NEO1: variants seen among roughly 807,000 people sequenced by gnomAD.
NEO1 encodes neogenin 1, also known as neogenin.
A neutral mutation model predicts 159.7 loss-of-function variants in NEO1; 63 were observed. The ratio of observed to expected loss-of-function variants is 0.39; its 90% CI spans 0.32 to 0.49. NEO1 has a LOEUF of 0.49. NEO1 is among the 20% of genes least tolerant of loss of function. The pLI is 0.85. For missense variants in NEO1, 1,615 were observed against 1,831.0 expected (o/e 0.88, Z 2.15); for synonymous variants, 633 against 662.0 (o/e 0.96, Z 0.67).
intron 15 of NEO1, among the ~76,000 whole-genome samples, chr15:73,262,853 T>C (rs2040687323): frequency 6.6e-6 from 1 of 152,232 alleles, no homozygotes; most frequent in African/African-American, 2.4e-5. Context: ...AATCGTGATA[T>C]ATCCATGGAG....
chr15:73,081,663 C>T (rs1303488903), intron 1 of NEO1, among the ~76,000 whole-genome samples: 2 of 151,842 alleles, frequency 1.3e-5, no homozygotes, highest in African/African-American at 4.8e-5. Context: ...GTAGCCTCGA[C>T]CTCCTGGACT....
intron 3 of NEO1, among the ~76,000 whole-genome samples, chr15:73,123,360 G>A (rs377076582): frequency 2.0e-5 from 3 of 152,218 alleles, no homozygotes; most frequent in African/African-American, 4.8e-5. Context: ...TATTAGTGCT[G>A]TGTCTTTTGT....
chr15:73,220,894 G>A (rs1188512941), intron 7 of NEO1, among the ~76,000 whole-genome samples: 1 of 152,106 alleles, frequency 6.6e-6, no homozygotes, highest in Non-Finnish European at 1.5e-5. Context: ...GCTTGGAGTA[G>A]TTTGATCGTC....
Position 73,196,296 on chromosome 15 carries a change from G to T in NEO1, c.1291+17869G>T, listed in dbSNP as rs560615130. ...CACGCAAGAATGGGAGGAGTATTTT[G>T]TGTTCATTTTATTTTATAACTTCCT... On this transcript the variant is annotated intron_variant, in intron 7 of 28. Transcript: ENST00000261908. 3.3e-5 allele frequency among the ~76,000 whole-genome samples: 5 copies of T among 152,288 alleles called. No individual in the cohort carries two copies. In the South Asian group the frequency reaches 1.0e-3, roughly 32 times the overall value.
At chr15:73,063,663 C>T (rs185192921) in intron 1 of NEO1, among the ~76,000 whole-genome samples, 3 of 151,456 alleles carry the variant, frequency 2.0e-5, no homozygotes, top group Non-Finnish European at 2.9e-5. Flanking sequence ...GTTTTTTGGC[C>T]AGGAGGGTAA....
intron 25 of NEO1, among the ~76,000 whole-genome samples, chr15:73,293,095 ATAT>A (rs2042218201): frequency 6.6e-6 from 1 of 152,264 alleles, no homozygotes; most frequent in African/African-American, 2.4e-5. Flanking sequence ...CAAAAGAAAA[ATAT>A]TATTTTAATC....
At chr15:73,211,595 T>C (rs532894201) in intron 7 of NEO1, among the ~76,000 whole-genome samples, 19 of 152,178 alleles carry the variant, frequency 1.2e-4, no homozygotes, top group Non-Finnish European at 2.2e-4. Context: ...CATGCGTGTA[T>C]TCCCAGCTAC....
At chr15:73,263,968 T>C (rs1232818117) in intron 15 of NEO1, among the ~76,000 whole-genome samples, 1 of 152,136 alleles carries the variant, frequency 6.6e-6, no homozygotes, top group African/African-American at 2.4e-5. Flanking sequence ...GGAGGATCGC[T>C]TGAGCCCAGA....
intron 7 of NEO1, among the ~76,000 whole-genome samples, chr15:73,233,054 G>T (rs1354109248): frequency 6.6e-6 from 1 of 152,158 alleles, no homozygotes; most frequent in Admixed American, 6.5e-5. Context: ...GGATTTGTCA[G>T]TCTCAAACCA....
chr15:73,091,815 A>G (rs541981191), intron 1 of NEO1, among the ~76,000 whole-genome samples: 6 of 150,364 alleles, frequency 4.0e-5, no homozygotes, highest in African/African-American at 1.2e-4. Flanking sequence ...CTTTCCCAGT[A>G]GAGGTCTCGC....
At chr15:73,155,048 G>A (rs1386190880) in intron 5 of NEO1, among the ~76,000 whole-genome samples, 2 of 151,528 alleles carry the variant, frequency 1.3e-5, no homozygotes, top group African/African-American at 2.4e-5. Flanking sequence ...TGTCATGGTG[G>A]TGAATGTCAA....
At chr15:73,073,810 C>T (rs1332897311) in intron 1 of NEO1, among the ~76,000 whole-genome samples, 1 of 152,108 alleles carries the variant, frequency 6.6e-6, no homozygotes, top group Non-Finnish European at 1.5e-5. Flanking sequence ...ATGTACCATA[C>T]TAGGAGATTT....
chr15:73,141,687 C>T (rs78772875), intron 5 of NEO1, among the ~76,000 whole-genome samples: 464 of 152,318 alleles, frequency 3.0e-3, no homozygotes, highest in African/African-American at 0.01. Context: ...CAGCCTATGT[C>T]ACTCTACTTC....
intron 4 of NEO1, among the ~76,000 whole-genome samples, chr15:73,128,329 T>C (rs972016535): frequency 6.6e-6 from 1 of 152,064 alleles, no homozygotes; most frequent in Non-Finnish European, 1.5e-5. Flanking sequence ...TTTAATTGGC[T>C]ACAAGTTAGA....
intron 1 of NEO1, among the ~76,000 whole-genome samples, chr15:73,087,634 A>G (rs995671369): frequency 6.6e-6 from 1 of 152,148 alleles, no homozygotes; most frequent in Non-Finnish European, 1.5e-5. Context: ...CTTCTACAAG[A>G]TAAATTTACT....
chr15:73,067,405 T>G (rs1167736585), intron 1 of NEO1, among the ~76,000 whole-genome samples: 1 of 152,022 alleles, frequency 6.6e-6, no homozygotes, highest in Non-Finnish European at 1.5e-5. Flanking sequence ...GATATGATGG[T>G]GTCTATATAT....
intron 1 of NEO1, among the ~76,000 whole-genome samples, chr15:73,104,577 G>A (rs1362688272): frequency 6.6e-6 from 1 of 152,282 alleles, no homozygotes; most frequent in Admixed American, 6.5e-5. Flanking sequence ...ATTAGAAAAA[G>A]TTTGTCATCA....
At chr15:73,221,287 G>T (rs2038242873) in intron 7 of NEO1, among the ~76,000 whole-genome samples, 2 of 152,212 alleles carry the variant, frequency 1.3e-5, no homozygotes, top group Admixed American at 1.3e-4. Context: ...TCCTCTGGAA[G>T]TTTTGTCTCA....
rs2037454381 is a variant in NEO1 at position 73,209,867 on chromosome 15, C to T, written c.1292-26480C>T. On this transcript the variant is annotated intron_variant, in intron 7 of 28. Transcript: ENST00000261908. ...AAAAAAAGCACAAAAATTAGCTGGG[C>T]GTGGGTGGCAGGCGCCTCCCAGCTA... 2.6e-5 allele frequency among the ~76,000 whole-genome samples: 4 copies of T among 151,920 alleles called. No homozygotes were observed. In the South Asian group the frequency reaches 6.2e-4, roughly 24 times the overall value.
Sources: allele counts gnomAD v4.1 joint callset (sites outside exome capture counted in the v4.1 genomes callset), GRCh38; gene constraint gnomAD v4.1.1; transcripts MANE v1.5; gene names NCBI Gene and HGNC (gene_info 2026-07-23, HGNC 2026-07-21).